PTPRD: variants seen among roughly 807,000 people sequenced by gnomAD.
PTPRD encodes receptor-type tyrosine-protein phosphatase delta.
Under a neutral mutation model 214.5 loss-of-function variants are expected in PTPRD, and 34 were observed. The ratio of observed to expected loss-of-function variants is 0.16; its 90% CI spans 0.12 to 0.21. The LOEUF (loss-of-function observed/expected upper bound fraction) is 0.21. Ranked by LOEUF, PTPRD falls within the 10% of genes least tolerant of loss-of-function variation. The pLI is 1.00. For synonymous variants in PTPRD, 1,128 were observed against 845.7 expected, an observed-to-expected ratio of 1.33 and a Z score of -5.79; for missense variants, 2,545 against 2,398.7, an observed-to-expected ratio of 1.06 and a Z score of -1.27.
intron 39 of PTPRD, among the ~76,000 whole-genome samples, chr9:8,360,706 G>C (rs1161567974): frequency 6.6e-6 from 1 of 152,106 alleles, no homozygotes; most frequent in Non-Finnish European, 1.5e-5. Flanking sequence ...ACACTTAGTA[G>C]TTCATCATCT....
chr9:9,444,896 A>G (rs2089818422), intron 8 of PTPRD, among the ~76,000 whole-genome samples: 1 of 152,120 alleles, frequency 6.6e-6, no homozygotes, highest in African/African-American at 2.4e-5. Context: ...ATGTAAATTG[A>G]CCCTACTTTC....
At chr9:9,696,308 G>C (rs1383104358) in intron 7 of PTPRD, among the ~76,000 whole-genome samples, 2 of 151,174 alleles carry the variant, frequency 1.3e-5, no homozygotes, top group African/African-American at 4.8e-5. Flanking sequence ...ACAAATATTA[G>C]TTAGGCCCAT....
chr9:9,162,387 C>A (rs2099891498), intron 10 of PTPRD, among the ~76,000 whole-genome samples: 1 of 152,122 alleles, frequency 6.6e-6, no homozygotes, highest in African/African-American at 2.4e-5. Flanking sequence ...ATCCATCTTC[C>A]CCCTCAGATC....
At chr9:9,512,615 C>T (rs533300327) in intron 8 of PTPRD, among the ~76,000 whole-genome samples, 1 of 151,814 alleles carries the variant, frequency 6.6e-6, no homozygotes, top group East Asian at 1.9e-4. Context: ...TATACAATGA[C>T]AATAAAAATC....
intron 3 of PTPRD, among the ~76,000 whole-genome samples, chr9:10,207,729 T>C (rs1274932799): frequency 5.3e-5 from 8 of 151,768 alleles, no homozygotes; most frequent in African/African-American, 1.4e-4. Flanking sequence ...AAAAATTATA[T>C]ATATATTTAA....
At chr9:8,966,241 G>A (rs954966008) in intron 11 of PTPRD, among the ~76,000 whole-genome samples, 2 of 151,640 alleles carry the variant, frequency 1.3e-5, no homozygotes, top group Non-Finnish European at 2.9e-5. Flanking sequence ...CACATAATTG[G>A]AAAAAAACTG....
At chr9:10,061,669 T>C (rs953798370) in intron 3 of PTPRD, among the ~76,000 whole-genome samples, 1 of 152,090 alleles carries the variant, frequency 6.6e-6, no homozygotes, top group African/African-American at 2.4e-5. Flanking sequence ...AAGAGGCTGA[T>C]TTATCCAGCC....
chr9:10,035,245 C>T (rs2097157725), intron 3 of PTPRD, among the ~76,000 whole-genome samples: 1 of 151,874 alleles, frequency 6.6e-6, no homozygotes, highest in African/African-American at 2.4e-5. Flanking sequence ...GCATGTAGGT[C>T]TTCTTTTGAG....
At chr9:8,618,032 G>A (rs1039595807) in intron 14 of PTPRD, among the ~76,000 whole-genome samples, 1 of 152,118 alleles carries the variant, frequency 6.6e-6, no homozygotes, top group Non-Finnish European at 1.5e-5. Flanking sequence ...TAAATTGTCA[G>A]AGTAGTGAAG....
At chr9:9,800,208 A>C (rs1368396813) in intron 5 of PTPRD, among the ~76,000 whole-genome samples, 2 of 152,156 alleles carry the variant, frequency 1.3e-5, no homozygotes, top group African/African-American at 4.8e-5. Context: ...GGGGTGGTGC[A>C]CTTGCAGTAC....
At chr9:10,242,844 A>T (rs893987722) in intron 3 of PTPRD, among the ~76,000 whole-genome samples, 1 of 151,656 alleles carries the variant, frequency 6.6e-6, no homozygotes, top group Admixed American at 6.6e-5. Context: ...TCTGGGTGTG[A>T]CCAAGAAATT....
chr9:9,203,393 G>A (rs373120798), intron 9 of PTPRD, among the ~76,000 whole-genome samples: 24 of 152,266 alleles, frequency 1.6e-4, no homozygotes, highest in African/African-American at 5.8e-4. Context: ...TGAATTGCAT[G>A]TTTTTGTTAT....
At chr9:9,296,918 C>T (rs1033467376) in intron 9 of PTPRD, among the ~76,000 whole-genome samples, 3 of 151,736 alleles carry the variant, frequency 2.0e-5, no homozygotes, top group Non-Finnish European at 4.4e-5. Context: ...TGGCATGAGA[C>T]AGCTCCATCT....
At chr9:8,568,111 C>T (rs1023007886) in intron 14 of PTPRD, among the ~76,000 whole-genome samples, 2 of 152,090 alleles carry the variant, frequency 1.3e-5, no homozygotes, top group African/African-American at 2.4e-5. Flanking sequence ...CTAAATACTG[C>T]AAATTAATCA....
At chr9:8,652,241 C>T (rs2096827511) in intron 12 of PTPRD, among the ~76,000 whole-genome samples, 1 of 152,198 alleles carries the variant, frequency 6.6e-6, no homozygotes, top group Non-Finnish European at 1.5e-5. Flanking sequence ...AACTGAAACA[C>T]TTCTGGTGGT....
At chr9:9,369,853 T>C (rs1200795326) in intron 9 of PTPRD, among the ~76,000 whole-genome samples, 15 of 152,304 alleles carry the variant, frequency 9.8e-5, no homozygotes, top group Admixed American at 5.2e-4. Context: ...CCCAGAACCA[T>C]TTATTAAATA....
At chr9:10,359,920 T>C (rs975936927) in intron 2 of PTPRD, among the ~76,000 whole-genome samples, 1 of 152,162 alleles carries the variant, frequency 6.6e-6, no homozygotes, top group South Asian at 2.1e-4. Flanking sequence ...ATTTGCCAAA[T>C]TACAGGGAGA....
chr9:9,375,645 T>TA (rs2060586377), intron 9 of PTPRD, among the ~76,000 whole-genome samples: 1 of 152,048 alleles, frequency 6.6e-6, no homozygotes, highest in African/African-American at 2.4e-5. Context: ...TGATATATGC[T>TA]ATAACATAGG....
chr9:10,258,436 C>G (rs1273161246), intron 3 of PTPRD, among the ~76,000 whole-genome samples: 1 of 151,970 alleles, frequency 6.6e-6, no homozygotes, highest in Non-Finnish European at 1.5e-5. Flanking sequence ...GCTATCTTGC[C>G]ATAATATCTC....
Sources: allele counts gnomAD v4.1 joint callset (sites outside exome capture counted in the v4.1 genomes callset), GRCh38; gene constraint gnomAD v4.1.1; transcripts MANE v1.5; gene names NCBI Gene and HGNC (gene_info 2026-07-23, HGNC 2026-07-21).